The following CCDC171 variants were observed in gnomAD, a reference collection of about 807,000 sequenced individuals.
The protein encoded by CCDC171 is coiled-coil domain-containing protein 171.
CCDC171 carries 177 observed loss-of-function variants against 168.2 expected under a neutral mutation model. That is an observed-to-expected ratio of 1.05 (90% CI 0.93 to 1.19). The LOEUF (loss-of-function observed/expected upper bound fraction) is 1.19, where lower values mean the gene tolerates loss of function less well. Ranked by LOEUF, CCDC171 falls within the 50% of genes most tolerant of loss-of-function variation. The pLI is 0.00. For missense variants in CCDC171, 1,991 were observed against 1,539.0 expected (o/e 1.29, Z -4.91); for synonymous variants, 687 against 540.8 (o/e 1.27, Z -3.75).
intron 18 of CCDC171, among the ~76,000 whole-genome samples, chr9:15,769,875 A>G (rs568969499): frequency 2.0e-4 from 30 of 152,282 alleles, no homozygotes; most frequent in African/African-American, 6.0e-4. Context: ...AGACTTCAGA[A>G]CTCCTTCAAA....
chr9:15,831,899 C>T (rs2060248835), intron 21 of CCDC171, among the ~76,000 whole-genome samples: 1 of 151,976 alleles, frequency 6.6e-6, no homozygotes, highest in Non-Finnish European at 1.5e-5. Flanking sequence ...TTCTTTCTTT[C>T]TTTGGTTTTG....
intron 16 of CCDC171, among the ~76,000 whole-genome samples, chr9:15,740,210 T>G (rs2054772221): frequency 1.3e-5 from 2 of 152,182 alleles, no homozygotes; most frequent in Admixed American, 6.6e-5. Context: ...ATTTGGAATT[T>G]ACTTATGTAT....
chr9:15,750,842 G>A (rs2055685722), intron 18 of CCDC171, among the ~76,000 whole-genome samples: 1 of 152,114 alleles, frequency 6.6e-6, no homozygotes, highest in South Asian at 2.1e-4. Context: ...GGCAAAAGCT[G>A]GAAGCATTCC....
chr9:15,837,045 G>A (rs193105978), intron 21 of CCDC171, among the ~76,000 whole-genome samples: 1 of 152,138 alleles, frequency 6.6e-6, no homozygotes, highest in East Asian at 1.9e-4. Flanking sequence ...TGGTCAGTAG[G>A]GTTGAAAATA....
chr9:15,904,540 GA>G (rs1208609470), intron 24 of CCDC171, among the ~76,000 whole-genome samples: 1 of 151,884 alleles, frequency 6.6e-6, no homozygotes, highest in Non-Finnish European at 1.5e-5. Context: ...CATGGAAAGG[GA>G]CAACCAGTAC....
intron 9 of CCDC171, among the ~76,000 whole-genome samples, chr9:15,669,096 C>T (rs1379247647): frequency 1.3e-5 from 2 of 152,094 alleles, no homozygotes; most frequent in East Asian, 1.9e-4. Context: ...CAGACCTCGG[C>T]AGGATCTCAC....
chr9:16,024,353 C>T (rs968636749), intron 6 of CCDC171, among the ~76,000 whole-genome samples: 5 of 152,164 alleles, frequency 3.3e-5, no homozygotes, highest in Non-Finnish European at 2.9e-5. Context: ...AAACTTAGAG[C>T]ATCCACTCTA....
intron 7 of CCDC171, among the ~76,000 whole-genome samples, chr9:15,633,388 T>A (rs201239970): frequency 6.6e-6 from 1 of 152,068 alleles, no homozygotes; most frequent in Admixed American, 6.6e-5. Flanking sequence ...TTCTGAAAAG[T>A]AGACATTTAT....
chr9:15,695,618 G>A (rs2051155039), intron 11 of CCDC171, among the ~76,000 whole-genome samples: 1 of 152,074 alleles, frequency 6.6e-6, no homozygotes, highest in Non-Finnish European at 1.5e-5. Context: ...ATCCAACTGA[G>A]AAAAAAGTCC....
chr9:15,613,000 A>T (rs564059148), intron 6 of CCDC171, among the ~76,000 whole-genome samples: 7 of 152,168 alleles, frequency 4.6e-5, no homozygotes, highest in Non-Finnish European at 1.0e-4. Flanking sequence ...TAAATGCCAT[A>T]GACTGTTTTG....
chr9:15,750,590 C>T (rs779898598), intron 18 of CCDC171, among the ~76,000 whole-genome samples: 1 of 151,370 alleles, frequency 6.6e-6, no homozygotes, highest in Non-Finnish European at 1.5e-5. Context: ...AAACCGAATC[C>T]AGCAGCACAT....
At chr9:15,625,529 A>C (rs1260351720) in intron 7 of CCDC171, among the ~76,000 whole-genome samples, 4 of 152,274 alleles carry the variant, frequency 2.6e-5, no homozygotes, top group East Asian at 1.9e-4. Context: ...TCAGCTTTCT[A>C]CATATGGCTA....
At chr9:16,090,921 C>T in the CCDC171 span, among the ~76,000 whole-genome samples, 4 of 152,236 alleles carry the variant, frequency 2.6e-5, no homozygotes, top group African/African-American at 9.6e-5. Flanking sequence ...AAAGTTGAGA[C>T]ATGTGTCCTG....
chr9:15,637,251 A>G (rs1053321075), intron 7 of CCDC171, among the ~76,000 whole-genome samples: 1 of 152,124 alleles, frequency 6.6e-6, no homozygotes, highest in African/African-American at 2.4e-5. Context: ...GCAAGACTCT[A>G]TCTCAAAAAC....
intron 8 of CCDC171, among the ~76,000 whole-genome samples, chr9:15,660,040 A>T (rs2048202403): frequency 6.6e-6 from 1 of 152,192 alleles, no homozygotes; most frequent in Non-Finnish European, 1.5e-5. Flanking sequence ...ATCTTGTTTT[A>T]ATTAATGCAA....
At position 15,743,198 on chromosome 9, in the gene CCDC171, C is replaced by G; in HGVS notation, c.2050-1075C>G. Among the ~76,000 whole-genome samples the G allele has an allele frequency of 1.7e-5, 2 of 120,666 alleles. 1 individual carries two copies. Among genetic ancestry groups the G allele is most frequent in the Non-Finnish European group, 3.2e-5 (2 of 63,028 alleles). 79.2% of individuals were successfully genotyped at this position (120,666 alleles called of 152,430 possible). On this transcript the variant is annotated intron_variant, in intron 16 of 25. Transcript: ENST00000380701. The stretch of plus-strand genomic sequence containing the variant: ...TTTTTTTTTTTGAGACAGCGTCTTG[C>G]CCTGTTACCCAGGCTGGAGTGCAGT...
intron 18 of CCDC171, among the ~76,000 whole-genome samples, chr9:15,756,781 T>C (rs1462440211): frequency 6.6e-6 from 1 of 152,186 alleles, no homozygotes; most frequent in Non-Finnish European, 1.5e-5. Flanking sequence ...AATTTAATCA[T>C]GGGGGTGGTT....
At chr9:15,838,623 C>G (rs911926652) in intron 21 of CCDC171, among the ~76,000 whole-genome samples, 2 of 152,272 alleles carry the variant, frequency 1.3e-5, no homozygotes, top group Non-Finnish European at 2.9e-5. Context: ...ATTCAAGCAT[C>G]CTCTTCAAAT....
chr9:15,973,758 A>T lies in CCDC171; in HGVS notation c.*1922A>T, dbSNP rs990674644. On this transcript the variant is annotated 3_prime_UTR_variant, in exon 26 of 26. Coordinates refer to ENST00000380701, the MANE Select transcript of CCDC171 (RefSeq NM_173550.4). ...TCTGCTGTTCCAAACAATGATTAGGATATTGTTCATACAGAAATTGATAGA... is the reference window on the plus strand; with the variant it reads ...TCTGCTGTTCCAAACAATGATTAGGTTATTGTTCATACAGAAATTGATAGA... 4 of 152,172 alleles carry T rather than the reference A, an allele frequency of 2.6e-5. No homozygotes were observed. Among genetic ancestry groups the T allele is most frequent in the Non-Finnish European group, 5.9e-5 (4 of 68,024 alleles). 9.4% of individuals were successfully genotyped at this position (152,172 alleles called of 1,614,324 possible).
Sources: gnomAD v4.1 joint callset for allele counts (sites outside exome capture counted in the v4.1 genomes callset) on GRCh38, gnomAD v4.1.1 for gene constraint, MANE v1.5 for transcripts, NCBI Gene and HGNC (gene_info 2026-07-23, HGNC 2026-07-21) for gene names.